HS3ST4: variants seen among roughly 807,000 people sequenced by gnomAD.
HS3ST4 encodes heparan sulfate-glucosamine 3-sulfotransferase 4, also known as heparan sulfate glucosamine 3-O-sulfotransferase 4.
HS3ST4 carries 17 observed loss-of-function variants against 29.2 expected under a neutral mutation model. That is an observed-to-expected ratio of 0.58 (90% CI 0.40 to 0.87). The LOEUF is 0.87. HS3ST4 is among the 40% of genes least tolerant of loss of function. The probability of loss-of-function intolerance (pLI) is 0.00; values close to 1 mark genes in which losing one functional copy is unlikely to be tolerated. For missense variants in HS3ST4, 627 were observed against 634.5 expected (o/e 0.99, Z 0.13); for synonymous variants, 314 against 285.7 (o/e 1.10, Z -1.00).
chr16:25,862,511 G>GA (rs1309915053), intron 1 of HS3ST4, among the ~76,000 whole-genome samples: 11 of 152,164 alleles, frequency 7.2e-5, no homozygotes, highest in Admixed American at 1.3e-4. Flanking sequence ...AGAATGTAAT[G>GA]CCGATGCTGA....
chr16:26,004,767 A>C (rs563395052), intron 1 of HS3ST4, among the ~76,000 whole-genome samples: 4 of 152,326 alleles, frequency 2.6e-5, no homozygotes, highest in African/African-American at 9.6e-5. Flanking sequence ...GCAATGTATG[A>C]TGTGGCACAT....
chr16:25,997,695 A>C lies in HS3ST4; in HGVS notation c.735-137917A>C, dbSNP rs116580361. On this transcript the variant is annotated intron_variant, in intron 1 of 1. Coordinates refer to ENST00000331351, the MANE Select transcript of HS3ST4 (RefSeq NM_006040.3). ...GTCCTAACTTGATTTGGTGATCATG[A>C]ACCTAAAATCAAATTAGTCAACTTT... Among the ~76,000 whole-genome samples the C allele has an allele frequency of 5.6e-3, 848 of 152,306 alleles. 12 individuals carry two copies. Among genetic ancestry groups the C allele is most frequent in the African/African-American group, 0.019 (810 of 41,570 alleles).
At chr16:25,828,262 T>A (rs543877507) in intron 1 of HS3ST4, among the ~76,000 whole-genome samples, 9 of 87,904 alleles carry the variant, frequency 1.0e-4, no homozygotes, top group South Asian at 4.9e-4. Flanking sequence ...CTTTCTTTCT[T>A]TCTTTCTTTC....
intron 1 of HS3ST4, among the ~76,000 whole-genome samples, chr16:25,745,782 A>AC (rs1966681433): frequency 6.6e-6 from 1 of 152,206 alleles, no homozygotes; most frequent in Non-Finnish European, 1.5e-5. Flanking sequence ...TCTTTTGCAT[A>AC]TCATTAAAAT....
chr16:26,014,077 T>G (rs935136341), intron 1 of HS3ST4, among the ~76,000 whole-genome samples: 6 of 151,866 alleles, frequency 4.0e-5, no homozygotes, highest in African/African-American at 1.2e-4. Context: ...CACCCACTCC[T>G]ACTCCTACTC....
At chr16:25,828,268 C>CTTTT in intron 1 of HS3ST4, among the ~76,000 whole-genome samples, 2 of 84,884 alleles carry the variant, frequency 2.4e-5, no homozygotes, top group African/African-American at 1.0e-4. Flanking sequence ...TTCTTTCTTT[C>CTTTT]TTTCTTTCTT....
chr16:26,096,267 C>G (rs1178878963), intron 1 of HS3ST4, among the ~76,000 whole-genome samples: 2 of 152,104 alleles, frequency 1.3e-5, no homozygotes, highest in Non-Finnish European at 2.9e-5. Context: ...ATCCTGATAC[C>G]AAATCCTGGC....
intron 1 of HS3ST4, among the ~76,000 whole-genome samples, chr16:26,132,270 T>C (rs1291687943): frequency 6.6e-6 from 1 of 152,182 alleles, no homozygotes; most frequent in African/African-American, 2.4e-5. Context: ...TTTATAGATT[T>C]CAAGCAACTA....
chr16:26,088,093 C>T (rs1898811303), intron 1 of HS3ST4, among the ~76,000 whole-genome samples: 2 of 152,156 alleles, frequency 1.3e-5, no homozygotes, highest in African/African-American at 4.8e-5. Context: ...GCCTCAATTC[C>T]TGCCTCCACA....
intron 1 of HS3ST4, among the ~76,000 whole-genome samples, chr16:25,985,087 C>T (rs1969048685): frequency 6.6e-6 from 1 of 152,200 alleles, no homozygotes; most frequent in Non-Finnish European, 1.5e-5. Context: ...TCCAGTTCAC[C>T]AATTACTAAT....
chr16:26,128,940 G>T (rs1596691926), intron 1 of HS3ST4, among the ~76,000 whole-genome samples: 7 of 152,254 alleles, frequency 4.6e-5, no homozygotes, highest in Admixed American at 2.6e-4. Context: ...AGAAAATATT[G>T]CTAATTTATG....
intron 1 of HS3ST4, among the ~76,000 whole-genome samples, chr16:25,838,042 G>A (rs1270482296): frequency 6.6e-6 from 1 of 152,162 alleles, no homozygotes; most frequent in Non-Finnish European, 1.5e-5. Context: ...CCAGCATGAA[G>A]GTGCAGAGAA....
chr16:26,016,217 A>C (rs1969360972), intron 1 of HS3ST4, among the ~76,000 whole-genome samples: 1 of 152,198 alleles, frequency 6.6e-6, no homozygotes, highest in Non-Finnish European at 1.5e-5. Flanking sequence ...GGCTGTTCTT[A>C]TGGATAAAGT....
chr16:25,934,584 C>T (rs1968500606), intron 1 of HS3ST4, among the ~76,000 whole-genome samples: 1 of 152,134 alleles, frequency 6.6e-6, no homozygotes, highest in African/African-American at 2.4e-5. Flanking sequence ...CATATAAAGG[C>T]ATCTGGATGT....
chr16:26,127,871 G>A (rs560381709), intron 1 of HS3ST4, among the ~76,000 whole-genome samples: 7 of 152,256 alleles, frequency 4.6e-5, no homozygotes, highest in African/African-American at 1.7e-4. Flanking sequence ...AATATTGCTT[G>A]AGACCTCAGT....
chr16:26,055,293 C>T (rs910455825), intron 1 of HS3ST4, among the ~76,000 whole-genome samples: 1 of 152,028 alleles, frequency 6.6e-6, no homozygotes, highest in Non-Finnish European at 1.5e-5. Flanking sequence ...GTGATTTAGC[C>T]TTTGTGAGGT....
At chr16:25,887,851 C>T (rs1444891552) in intron 1 of HS3ST4, among the ~76,000 whole-genome samples, 2 of 151,908 alleles carry the variant, frequency 1.3e-5, no homozygotes, top group Non-Finnish European at 2.9e-5. Context: ...GCGCCCACCA[C>T]CACGCCCAGC....
At chr16:25,905,490 G>A (rs1968170177) in intron 1 of HS3ST4, among the ~76,000 whole-genome samples, 2 of 152,098 alleles carry the variant, frequency 1.3e-5, no homozygotes, top group Admixed American at 6.5e-5. Context: ...CAGCACTGGG[G>A]TTACCTGAGA....
At position 25,692,779 on chromosome 16, in the gene HS3ST4, C is replaced by A. The variant is rs1398805012; in HGVS notation, c.362C>A (p.Pro121His). 23 of 1,364,004 alleles carry A rather than the reference C, an allele frequency of 1.7e-5. No individual in the cohort carries two copies. In the African/African-American group the frequency reaches 3.4e-4, roughly 20 times the overall value. The allele number at this position is 1,364,004 out of a possible 1,614,324, so 84.5% of individuals were successfully genotyped here. Residue 121 changes from proline to histidine, a missense_variant, in exon 1 of 2, where the codon CCC (proline) becomes CAC (histidine). Pro to His is a moderately conservative substitution (Grantham distance 77, BLOSUM62 -2). Around this residue, in one of 2 missense-constraint regions of HS3ST4, gnomAD observed 402 missense variants for 340.8 expected, o/e 1.18. Transcript: ENST00000331351. ...PPEPPEQPAA[P>H]GTDGWGLPSG... ...GAGCCCCCAGAGCAGCCAGCCGCCC[C>A]CGGGACCGACGGCTGGGGGCTGCCG...
Sources: allele counts gnomAD v4.1 joint callset (sites outside exome capture counted in the v4.1 genomes callset), GRCh38; gene constraint gnomAD v4.1.1; regional missense constraint gnomAD v4.1.1; transcripts MANE v1.5; gene names NCBI Gene and HGNC (gene_info 2026-07-23, HGNC 2026-07-21).